The following CDS1 variants were observed in gnomAD, a reference collection of about 807,000 sequenced individuals.
CDS1 encodes the protein phosphatidate cytidylyltransferase 1.
In CDS1, 41 loss-of-function variants were observed where a neutral mutation model predicts 62.1. The ratio of observed to expected loss-of-function variants is 0.66; its 90% CI spans 0.51 to 0.86. CDS1 has a LOEUF of 0.86. Ranked by LOEUF, CDS1 falls within the 40% of genes least tolerant of loss-of-function variation. The pLI, the probability that CDS1 is intolerant of heterozygous loss-of-function variation, is 0.00. For missense variants in CDS1, 470 were observed against 550.1 expected (o/e 0.85, Z 1.46); for synonymous variants, 185 against 192.6 (o/e 0.96, Z 0.32).
At chr4:84,638,826 A>G in intron 8 of CDS1, 98 bp from the exon 9 acceptor site, 1 of 314,758 alleles carries the variant, frequency 3.2e-6, no homozygotes, top group Non-Finnish European at 5.7e-6. Context: ...GGAGAGATGT[A>G]CAAGTTATTG....
At chr4:84,604,529 A>C (rs1578025151) in intron 2 of CDS1, among the ~76,000 whole-genome samples, 159 bp downstream of exon 2, 3 of 152,300 alleles carry the variant, frequency 2.0e-5, no homozygotes, top group South Asian at 2.1e-4. Context: ...TATGTATTTA[A>C]TGTGTATCCA....
chr4:84,604,450 C>G, intron 2 of CDS1, 80 bp downstream of exon 2: 1 of 1,478,956 alleles, frequency 6.8e-7, no homozygotes, highest in Non-Finnish European at 9.2e-7. Flanking sequence ...ATAAATTTGG[C>G]TTTTTGTAAG....
intron 5 of CDS1, among the ~76,000 whole-genome samples, chr4:84,621,001 G>A (rs1209770966): frequency 5.9e-5 from 9 of 152,038 alleles, no homozygotes; most frequent in East Asian, 1.9e-4. Context: ...CGGAGGTTGC[G>A]GTGAGCCGAG....
intron 5 of CDS1, among the ~76,000 whole-genome samples, chr4:84,627,334 C>T (rs1006620236): frequency 6.6e-6 from 1 of 152,108 alleles, no homozygotes; most frequent in African/African-American, 2.4e-5. Flanking sequence ...GTCATATTGA[C>T]ATTTAGATAA....
At position 84,638,847 on chromosome 4, in the gene CDS1, T is replaced by TTATATA. The variant is rs3840105; in HGVS notation, c.811-59_811-54dup. ...ATGTACAAGTTATTGAGGAAATAGT[T>TTATATA]TATATATATATATATATATATATTG... On this transcript the variant is annotated intron_variant, in intron 8 of 12. Transcript: ENST00000295887. 468 of 300,406 alleles carry TTATATA rather than the reference T, an allele frequency of 1.6e-3. 1 individual carries two copies. The highest frequency in any genetic ancestry group is 2.1e-3 in the Middle Eastern group (2 of 968). The allele number at this position is 300,406 out of a possible 1,614,324, so 18.6% of individuals were successfully genotyped here.
At chr4:84,602,351 C>T (rs28527489) in intron 1 of CDS1, among the ~76,000 whole-genome samples, 14,592 of 152,066 alleles carry the variant, frequency 0.096, 2,240 homozygotes, top group African/African-American at 0.33. Context: ...AGGGTTGCAG[C>T]GCATCACCAT....
At chr4:84,623,143 G>A (rs1287762284) in intron 5 of CDS1, among the ~76,000 whole-genome samples, 1 of 152,140 alleles carries the variant, frequency 6.6e-6, no homozygotes, top group African/African-American at 2.4e-5. Flanking sequence ...CTGTTCCTGT[G>A]TGAGCTGGCT....
chr4:84,585,235 A>G (rs1722378816), intron 1 of CDS1, among the ~76,000 whole-genome samples: 1 of 152,208 alleles, frequency 6.6e-6, no homozygotes, highest in Non-Finnish European at 1.5e-5. Flanking sequence ...TCAATGCAGT[A>G]CTGTTGGTTT....
intron 2 of CDS1, among the ~76,000 whole-genome samples, chr4:84,604,898 G>A (rs935479437): frequency 6.6e-6 from 1 of 152,104 alleles, no homozygotes; most frequent in South Asian, 2.1e-4. Context: ...GATTACAGGC[G>A]TGAAACATGG....
At chr4:84,608,797 C>T (rs1723214139) in intron 2 of CDS1, among the ~76,000 whole-genome samples, 1 of 152,036 alleles carries the variant, frequency 6.6e-6, no homozygotes, top group Admixed American at 6.6e-5. Flanking sequence ...CCATGTGGTC[C>T]CTGGTGGGAT....
At chr4:84,586,954 G>T (rs952145853) in intron 1 of CDS1, among the ~76,000 whole-genome samples, 1 of 152,160 alleles carries the variant, frequency 6.6e-6, no homozygotes, top group African/African-American at 2.4e-5. Context: ...AAGACAATGG[G>T]TAGGCCCTAG....
intron 3 of CDS1, among the ~76,000 whole-genome samples, chr4:84,610,495 G>T (rs1045346741): frequency 6.6e-6 from 1 of 152,164 alleles, no homozygotes; most frequent in African/African-American, 2.4e-5. Flanking sequence ...TCATTCATTC[G>T]TGTAACAAAC....
At chr4:84,617,732 C>A in intron 4 of CDS1, 71 bp downstream of exon 4, 1 of 695,554 alleles carries the variant, frequency 1.4e-6, no homozygotes, top group South Asian at 1.8e-5. Context: ...GCGTCTTGAT[C>A]AGTCAGTATC....
intron 6 of CDS1, 53 bp downstream of exon 6, chr4:84,631,930 T>A: frequency 8.4e-7 from 1 of 1,196,524 alleles, no homozygotes; most frequent in Non-Finnish European, 1.2e-6. Flanking sequence ...AACCCTTAAC[T>A]TTTTTTTTTC....
intron 2 of CDS1, among the ~76,000 whole-genome samples, chr4:84,609,133 C>A (rs1298872039): frequency 6.8e-6 from 1 of 146,044 alleles, no homozygotes; most frequent in Non-Finnish European, 1.5e-5. Context: ...GAGCCGAGAT[C>A]ACGCCACTGC....
At chr4:84,635,119 G>C (rs1193763140) in intron 7 of CDS1, 145 bp from the exon 8 acceptor site, 2 of 534,614 alleles carry the variant, frequency 3.7e-6, no homozygotes, top group Non-Finnish European at 6.5e-6. Flanking sequence ...CTACTGTTTT[G>C]GCAAGTGTTA....
At chr4:84,645,360 T>A in intron 12 of CDS1, 35 bp downstream of exon 12, 1 of 1,227,654 alleles carries the variant, frequency 8.1e-7, no homozygotes, top group Non-Finnish European at 1.2e-6. Context: ...TTAGATGATT[T>A]CTTTGAGTTC....
chr4:84,627,239 C>T (rs900846249), intron 5 of CDS1, among the ~76,000 whole-genome samples: 1 of 152,114 alleles, frequency 6.6e-6, no homozygotes, highest in African/African-American at 2.4e-5. Flanking sequence ...TAGGTATCTC[C>T]AATTCTGACC....
intron 1 of CDS1, among the ~76,000 whole-genome samples, chr4:84,584,093 T>G (rs1401944380): frequency 6.6e-6 from 1 of 152,188 alleles, no homozygotes; most frequent in Non-Finnish European, 1.5e-5. Context: ...CAGCTTCTTT[T>G]GAGTACACGA....
Sources: allele counts gnomAD v4.1 joint callset (sites outside exome capture counted in the v4.1 genomes callset), GRCh38; gene constraint gnomAD v4.1.1; transcripts MANE v1.5; gene names NCBI Gene and HGNC (gene_info 2026-07-23, HGNC 2026-07-21).